PBX3: variants seen among roughly 807,000 people sequenced by gnomAD.
The protein encoded by PBX3 is pre-B-cell leukemia transcription factor 3.
PBX3 carries 14 observed loss-of-function variants against 48.5 expected under a neutral mutation model. That is an observed-to-expected ratio of 0.29 (90% confidence interval 0.19 to 0.45). The LOEUF (loss-of-function observed/expected upper bound fraction) is 0.45, where lower values mean the gene tolerates loss of function less well. Ranked by LOEUF, PBX3 falls within the 20% of genes least tolerant of loss-of-function variation. PBX3 has a pLI of 1.00. For synonymous variants in PBX3, 210 were observed against 200.3 expected, an observed-to-expected ratio of 1.05 and a Z score of -0.41; for missense variants, 386 against 546.7, an observed-to-expected ratio of 0.71 and a Z score of 2.93.
At position 125,882,773 on chromosome 9, in the gene PBX3, A is replaced by T. The variant is rs112542194; in HGVS notation, c.275-32913A>T. ...TAGTTGGTATTTTGCCTGCATGTAG[A>T]TATGGTCTGTAGTTATTCAAGCAGT... On this transcript the variant is annotated intron_variant, in intron 2 of 8. Coordinates refer to ENST00000373489, the MANE Select transcript of PBX3 (RefSeq NM_006195.6). Among the ~76,000 whole-genome samples, 553 of 152,294 alleles carry T rather than the reference A, an allele frequency of 3.6e-3. 4 individuals carry two copies. Among genetic ancestry groups the T allele is most frequent in the African/African-American group, 0.013 (524 of 41,558 alleles).
chr9:125,770,271 T>C (rs1013671499), intron 2 of PBX3, among the ~76,000 whole-genome samples: 2 of 152,120 alleles, frequency 1.3e-5, no homozygotes, highest in Admixed American at 6.6e-5. Flanking sequence ...GATAGTGACA[T>C]GTGTAATATG....
intron 2 of PBX3, among the ~76,000 whole-genome samples, chr9:125,762,304 C>T (rs1836690131): frequency 6.6e-6 from 1 of 151,824 alleles, no homozygotes; most frequent in Non-Finnish European, 1.5e-5. Context: ...AGTGTAGTTC[C>T]CCAAAAAATA....
chr9:125,876,608 C>A (rs1005529999), intron 2 of PBX3, among the ~76,000 whole-genome samples: 1 of 152,190 alleles, frequency 6.6e-6, no homozygotes, highest in South Asian at 2.1e-4. Context: ...AGGTGTTAAT[C>A]GACTGTTTCT....
At chr9:125,844,685 A>G (rs1032957169) in intron 2 of PBX3, 1 of 152,128 alleles carries the variant, frequency 6.6e-6, no homozygotes, top group African/African-American at 2.4e-5. Context: ...CTAGTTCATT[A>G]CCTTAATTGC....
intron 2 of PBX3, among the ~76,000 whole-genome samples, chr9:125,764,307 C>T: frequency 6.6e-6 from 1 of 152,220 alleles, no homozygotes; most frequent in East Asian, 1.9e-4. Flanking sequence ...CAGAACTGTA[C>T]TTTGGATAAT....
chr9:125,833,916 C>T (rs986405675), intron 2 of PBX3, among the ~76,000 whole-genome samples: 1 of 152,104 alleles, frequency 6.6e-6, no homozygotes, highest in African/African-American at 2.4e-5. Context: ...GAGGAACTGC[C>T]AGCCTGTTTT....
chr9:125,813,784 G>A (rs1588173434), intron 2 of PBX3, among the ~76,000 whole-genome samples: 1 of 151,750 alleles, frequency 6.6e-6, no homozygotes, highest in Admixed American at 6.6e-5. Context: ...GAGAAAACAA[G>A]ATTTGAGTGT....
chr9:125,867,209 C>T (rs4838298), intron 2 of PBX3, among the ~76,000 whole-genome samples: 108,121 of 151,826 alleles, frequency 0.71, 39,022 homozygotes, highest in African/African-American at 0.81. Flanking sequence ...GATGTGTCCC[C>T]GGTCCTCCCT....
intron 5 of PBX3, among the ~76,000 whole-genome samples, chr9:125,954,549 T>C (rs1013142705): frequency 1.3e-5 from 2 of 152,188 alleles, no homozygotes; most frequent in Non-Finnish European, 2.9e-5. Context: ...TTTGTTTGTT[T>C]GTTTTGAGAC....
intron 2 of PBX3, among the ~76,000 whole-genome samples, chr9:125,840,045 G>C (rs890011725): frequency 2.0e-5 from 3 of 151,962 alleles, no homozygotes; most frequent in Non-Finnish European, 4.4e-5. Context: ...TGTAAATATG[G>C]GTATCAGCAG....
chr9:125,794,255 C>T (rs1837712020), intron 2 of PBX3, among the ~76,000 whole-genome samples: 1 of 152,156 alleles, frequency 6.6e-6, no homozygotes, highest in Non-Finnish European at 1.5e-5. Flanking sequence ...GGCAGCATGG[C>T]CATCACCTGG....
intron 2 of PBX3, among the ~76,000 whole-genome samples, chr9:125,861,301 A>G (rs901937279): frequency 7.0e-6 from 1 of 142,076 alleles, no homozygotes; most frequent in African/African-American, 2.9e-5. Context: ...CCTGTCTCCA[A>G]ATAATAATAA....
chr9:125,945,689 G>C (rs1292909296), intron 5 of PBX3, among the ~76,000 whole-genome samples: 1 of 152,168 alleles, frequency 6.6e-6, no homozygotes, highest in African/African-American at 2.4e-5. Flanking sequence ...ATTATTAACT[G>C]ATACAGGAAA....
intron 2 of PBX3, among the ~76,000 whole-genome samples, chr9:125,827,927 C>G (rs569396652): frequency 6.6e-6 from 1 of 152,148 alleles, no homozygotes; most frequent in East Asian, 1.9e-4. Context: ...TATATTGCTA[C>G]CAGTAATAAG....
At chr9:125,879,924 T>C (rs1402601906) in intron 2 of PBX3, among the ~76,000 whole-genome samples, 1 of 152,234 alleles carries the variant, frequency 6.6e-6, no homozygotes, top group East Asian at 1.9e-4. Flanking sequence ...ATGTTTTATA[T>C]GTTACCTAAC....
chr9:125,964,084 T>G (rs1383357735), intron 8 of PBX3, among the ~76,000 whole-genome samples: 1 of 152,212 alleles, frequency 6.6e-6, no homozygotes, highest in African/African-American at 2.4e-5. Context: ...ATCAACATGA[T>G]AAAATATGAA....
intron 1 of PBX3, 125 bp from the exon 2 acceptor site, chr9:125,748,425 C>A: frequency 4.8e-6 from 7 of 1,460,852 alleles, no homozygotes; most frequent in Non-Finnish European, 9.1e-7. Flanking sequence ...GTTGACTTCC[C>A]ACGGTTCAAA....
intron 5 of PBX3, among the ~76,000 whole-genome samples, chr9:125,958,781 C>A (rs1417737047): frequency 6.6e-6 from 1 of 152,146 alleles, no homozygotes; most frequent in Non-Finnish European, 1.5e-5. Flanking sequence ...TGGGAGTCAT[C>A]CACACAGAGA....
At chr9:125,921,370 G>A (rs1841454376) in intron 3 of PBX3, among the ~76,000 whole-genome samples, 1 of 151,794 alleles carries the variant, frequency 6.6e-6, no homozygotes, top group Non-Finnish European at 1.5e-5. Context: ...TACTTATTCA[G>A]GCAATGAGAA....
Sources: allele counts gnomAD v4.1 joint callset (sites outside exome capture counted in the v4.1 genomes callset), GRCh38; gene constraint gnomAD v4.1.1; transcripts MANE v1.5; gene names NCBI Gene and HGNC (gene_info 2026-07-23, HGNC 2026-07-21).